The following SPEF2 variants were observed in gnomAD, a reference collection of about 807,000 sequenced individuals.
The protein encoded by SPEF2 is sperm flagella and cilia-associated protein 2.
SPEF2 carries 187 observed loss-of-function variants against 224.6 expected under a neutral mutation model. That is an observed-to-expected ratio of 0.83 (90% CI 0.74 to 0.94). The LOEUF is 0.94. Ranked by LOEUF, SPEF2 falls within the 40% of genes least tolerant of loss-of-function variation. The probability of loss-of-function intolerance (pLI) is 0.00; values close to 1 mark genes in which losing one functional copy is unlikely to be tolerated. For synonymous variants in SPEF2, 715 were observed against 707.3 expected, an observed-to-expected ratio of 1.01 and a Z score of -0.17; for missense variants, 2,170 against 2,135.6, an observed-to-expected ratio of 1.02 and a Z score of -0.32.
chr5:35,757,075 A>G (rs1272999985), intron 24 of SPEF2, among the ~76,000 whole-genome samples: 1 of 151,978 alleles, frequency 6.6e-6, no homozygotes, highest in African/African-American at 2.4e-5. Context: ...GTTTTTAATA[A>G]CTATTAAAAA....
At chr5:35,799,931 G>C (rs753180432) in intron 33 of SPEF2, 37 bp from the exon 34 acceptor site, 2 of 1,608,982 alleles carry the variant, frequency 1.2e-6, no homozygotes, top group African/African-American at 1.3e-5. Context: ...CTATGAGAGT[G>C]CACCCATTTT....
chr5:35,670,887 T>G, intron 10 of SPEF2: 3 of 985,312 alleles, frequency 3.0e-6, no homozygotes, highest in Non-Finnish European at 3.6e-6. Context: ...CTACTTCATT[T>G]AAAATAACAT....
chr5:35,742,782 A>G (rs1747872742), intron 23 of SPEF2, among the ~76,000 whole-genome samples: 1 of 151,904 alleles, frequency 6.6e-6, no homozygotes, highest in Non-Finnish European at 1.5e-5. Context: ...TTGATCATAT[A>G]GTATATATAT....
chr5:35,637,980 T>C (rs1231808087), intron 2 of SPEF2, among the ~76,000 whole-genome samples: 2 of 152,202 alleles, frequency 1.3e-5, no homozygotes, highest in African/African-American at 4.8e-5. Context: ...GTTGTTGCTG[T>C]CTATCCCTTT....
intron 16 of SPEF2, among the ~76,000 whole-genome samples, chr5:35,703,714 A>G (rs760545831): frequency 1.8e-4 from 27 of 152,192 alleles, no homozygotes; most frequent in Non-Finnish European, 3.5e-4. Context: ...GCACTCCCAC[A>G]GTTTTCTTCA....
chr5:35,738,847 C>T (rs1264126317), intron 21 of SPEF2, among the ~76,000 whole-genome samples: 1 of 152,040 alleles, frequency 6.6e-6, no homozygotes. Flanking sequence ...TATCTCGTCT[C>T]TTCTTAAGAT....
At chr5:35,647,556 C>T (rs190293042) in intron 5 of SPEF2, among the ~76,000 whole-genome samples, 1 of 152,236 alleles carries the variant, frequency 6.6e-6, no homozygotes, top group East Asian at 1.9e-4. Context: ...TCTATTCATG[C>T]ATGATCCACC....
In SPEF2 at chr5:35,740,264, G is replaced by C. The variant is rs1166934445; in HGVS notation, c.3327G>C (p.Val1109=). 6.2e-7 allele frequency: 1 copy of C among 1,613,862 alleles called. No individual in the cohort carries two copies. Among genetic ancestry groups the C allele is most frequent in the South Asian group, 1.1e-5 (1 of 91,062 alleles). ...CAAAGGCTGAACTACATCAACGAGT[G>C]AATGTAAGGAAATAGTGACCTATTG... The part of the protein sequence containing the change: ...EETKAELHQR[V]NDLRDRLWDI... Residue 1109 remains valine, a synonymous_variant, in exon 23 of 37, where the codon GTG becomes GTC. Coordinates refer to ENST00000356031, the MANE Select transcript of SPEF2 (RefSeq NM_024867.4).
intron 15 of SPEF2, 97 bp downstream of exon 15, chr5:35,697,890 C>A: frequency 1.2e-6 from 1 of 812,410 alleles, no homozygotes; most frequent in Non-Finnish European, 1.9e-6. Flanking sequence ...TGTAATATCT[C>A]ATACATTTCA....
At chr5:35,735,060 A>G (rs1746345905) in intron 21 of SPEF2, among the ~76,000 whole-genome samples, 2 of 152,040 alleles carry the variant, frequency 1.3e-5, no homozygotes, top group Non-Finnish European at 2.9e-5. Flanking sequence ...TTTACTACTT[A>G]CCTTCTTACT....
chr5:35,744,220 TG>T (rs1296673965), intron 23 of SPEF2, among the ~76,000 whole-genome samples: 3 of 152,346 alleles, frequency 2.0e-5, no homozygotes, highest in Non-Finnish European at 4.4e-5. Context: ...TTACAACTTT[TG>T]TAAGAATAGA....
At chr5:35,686,717 A>G (rs1054444595) in intron 10 of SPEF2, among the ~76,000 whole-genome samples, 1 of 152,080 alleles carries the variant, frequency 6.6e-6, no homozygotes, top group Non-Finnish European at 1.5e-5. Context: ...TATTACTATG[A>G]ATTTGAACAT....
At chr5:35,695,700 C>A (rs369952067) in intron 13 of SPEF2, 35 bp from the exon 14 acceptor site, 141 of 1,571,450 alleles carry the variant, frequency 9.0e-5, no homozygotes, top group Non-Finnish European at 1.2e-4. Context: ...GTGTAAATAC[C>A]AGAAATTTGT....
At chr5:35,713,741 ATATATATTT>A (rs1209014372) in intron 20 of SPEF2, among the ~76,000 whole-genome samples, 668 of 39,698 alleles carry the variant, frequency 0.017, 101 homozygotes, top group South Asian at 0.036. Flanking sequence ...CAAAATATAT[ATATATATTT>A]TATATATATT....
intron 26 of SPEF2, among the ~76,000 whole-genome samples, chr5:35,769,048 A>G (rs1752450663): frequency 6.6e-6 from 1 of 152,200 alleles, no homozygotes; most frequent in Non-Finnish European, 1.5e-5. Flanking sequence ...CTCCAGCTTT[A>G]TAAGCTAGAT....
rs762648154 is a variant in SPEF2, at chr5:35,788,728, A to C, written c.4448-3612A>C. On this transcript the variant is annotated intron_variant, in intron 30 of 36. Coordinates refer to ENST00000356031, the MANE Select transcript of SPEF2 (RefSeq NM_024867.4). ...AGAACAACGAGGTGGCCCTACTATT[A>C]AGAGAAATACAACCATGTGTACAAA... is the stretch of plus-strand genomic sequence containing the variant. 1.6e-5 allele frequency: 11 copies of C among 703,062 alleles called. No homozygotes were observed. In the South Asian group the frequency reaches 1.6e-4, roughly 10 times the overall value. The allele number at this position is 703,062 out of a possible 1,614,324, so 43.6% of individuals were successfully genotyped here.
intron 23 of SPEF2, among the ~76,000 whole-genome samples, chr5:35,741,548 A>G (rs1747641761): frequency 6.6e-6 from 1 of 152,184 alleles, no homozygotes; most frequent in South Asian, 2.1e-4. Context: ...GGTTATTATG[A>G]GAATATAGCT....
chr5:35,753,539 A>T, intron 23 of SPEF2, 85 bp from the exon 24 acceptor site: 1 of 1,575,632 alleles, frequency 6.3e-7, no homozygotes. Context: ...TTTTTAAGAG[A>T]GGCAAAGGAT....
intron 3 of SPEF2, among the ~76,000 whole-genome samples, chr5:35,642,223 C>T (rs779482263): frequency 7.9e-5 from 12 of 152,186 alleles, no homozygotes; most frequent in Non-Finnish European, 1.8e-4. Flanking sequence ...TGCTCAGAAA[C>T]CTATTTTTAC....
Sources: gnomAD v4.1 joint callset for allele counts (sites outside exome capture counted in the v4.1 genomes callset) on GRCh38, gnomAD v4.1.1 for gene constraint, MANE v1.5 for transcripts, NCBI Gene and HGNC (gene_info 2026-07-23, HGNC 2026-07-21) for gene names.